Variants in VAT1L observed in about 807,000 individuals in gnomAD.
The protein encoded by VAT1L is vesicle amine transport 1 like, also known as putative NADPH-dependent quinone oxidoreductase VAT1L.
Under a neutral mutation model 44.1 loss-of-function variants are expected in VAT1L, and 34 were observed. The ratio of observed to expected loss-of-function variants is 0.77; its 90% CI spans 0.59 to 1.03. The LOEUF (loss-of-function observed/expected upper bound fraction) is 1.03, where lower values mean the gene tolerates loss of function less well. Ranked by LOEUF, VAT1L falls within the 50% of genes least tolerant of loss-of-function variation. The probability of loss-of-function intolerance (pLI) is 0.00; values close to 1 mark genes in which losing one functional copy is unlikely to be tolerated. For missense variants in VAT1L, 615 were observed against 538.8 expected (o/e 1.14, Z -1.40); for synonymous variants, 253 against 202.2 (o/e 1.25, Z -2.13).
At chr16:77,903,928 G>C (rs541539154) in intron 7 of VAT1L, among the ~76,000 whole-genome samples, 1 of 151,888 alleles carries the variant, frequency 6.6e-6, no homozygotes, top group African/African-American at 2.4e-5. Flanking sequence ...AGTAAAGACA[G>C]GGTTTCACCA....
At chr16:77,871,927 T>G (rs183672075) in intron 4 of VAT1L, among the ~76,000 whole-genome samples, 1 of 152,228 alleles carries the variant, frequency 6.6e-6, no homozygotes, top group East Asian at 1.9e-4. Flanking sequence ...TTTCATGCCC[T>G]TTTCCCAACC....
At chr16:77,925,811 G>C (rs2017660304) in intron 7 of VAT1L, among the ~76,000 whole-genome samples, 1 of 151,596 alleles carries the variant, frequency 6.6e-6, no homozygotes, top group Non-Finnish European at 1.5e-5. Context: ...AACATAAAAA[G>C]CCAGAAGCAG....
chr16:77,881,410 A>T (rs371621029), intron 6 of VAT1L, among the ~76,000 whole-genome samples: 2 of 152,362 alleles, frequency 1.3e-5, no homozygotes, highest in East Asian at 3.9e-4. Flanking sequence ...ATGTTAATTA[A>T]CATGATTATA....
intron 7 of VAT1L, among the ~76,000 whole-genome samples, chr16:77,920,495 G>A (rs1364957110): frequency 6.6e-6 from 1 of 152,050 alleles, no homozygotes; most frequent in African/African-American, 2.4e-5. Flanking sequence ...AACACCCCCT[G>A]AATTATACTT....
At chr16:77,866,460 G>C (rs866467201) in intron 4 of VAT1L, among the ~76,000 whole-genome samples, 4 of 152,090 alleles carry the variant, frequency 2.6e-5, no homozygotes, top group Non-Finnish European at 5.9e-5. Flanking sequence ...TGTGATCACA[G>C]CTTTGTACAA....
At chr16:77,936,027 C>G (rs898035858) in intron 7 of VAT1L, among the ~76,000 whole-genome samples, 1 of 151,982 alleles carries the variant, frequency 6.6e-6, no homozygotes, top group Non-Finnish European at 1.5e-5. Context: ...TTTTGAGAAT[C>G]AGTGATACAT....
intron 3 of VAT1L, among the ~76,000 whole-genome samples, chr16:77,856,484 A>AGGCAG (rs1241079412): frequency 1.3e-5 from 2 of 152,176 alleles, no homozygotes; most frequent in Non-Finnish European, 2.9e-5. Context: ...AGTACTTAAT[A>AGGCAG]TGTACCAGGC....
intron 7 of VAT1L, among the ~76,000 whole-genome samples, chr16:77,961,257 G>C (rs909961725): frequency 6.6e-6 from 1 of 151,962 alleles, no homozygotes; most frequent in Non-Finnish European, 1.5e-5. Context: ...GTCACCAAGG[G>C]GGCTTCTCCT....
chr16:77,826,067 C>G (rs1259888854), intron 3 of VAT1L, among the ~76,000 whole-genome samples: 3 of 137,266 alleles, frequency 2.2e-5, no homozygotes, highest in East Asian at 2.2e-4. Context: ...ATTAGCCGGG[C>G]GTAGTGGCGG....
intron 7 of VAT1L, among the ~76,000 whole-genome samples, chr16:77,926,540 C>T (rs2017671291): frequency 1.3e-5 from 2 of 152,010 alleles, no homozygotes; most frequent in South Asian, 4.2e-4. Flanking sequence ...GCTGAGACTG[C>T]ACCATGCACT....
chr16:77,863,871 G>A (rs1000037090), intron 4 of VAT1L, among the ~76,000 whole-genome samples: 1 of 152,182 alleles, frequency 6.6e-6, no homozygotes, highest in Non-Finnish European at 1.5e-5. Context: ...ACTCCAACCT[G>A]GGTGTGACCA....
intron 3 of VAT1L, among the ~76,000 whole-genome samples, chr16:77,831,585 A>G (rs2016578919): frequency 2.6e-5 from 4 of 152,206 alleles, no homozygotes; most frequent in Admixed American, 6.5e-5. Flanking sequence ...AGTCTATAAA[A>G]TACCTGACCG....
At chr16:77,814,846 T>A (rs752291070) in intron 1 of VAT1L, among the ~76,000 whole-genome samples, 11 of 152,258 alleles carry the variant, frequency 7.2e-5, no homozygotes, top group Non-Finnish European at 7.3e-5. Context: ...TAACCCTTTT[T>A]TTACGAGTGC....
intron 3 of VAT1L, among the ~76,000 whole-genome samples, chr16:77,859,924 C>G (rs994053577): frequency 1.1e-4 from 16 of 152,138 alleles, no homozygotes; most frequent in Admixed American, 1.0e-3. Context: ...CTCACAACGT[C>G]ACTTTATTTG....
intron 8 of VAT1L, among the ~76,000 whole-genome samples, chr16:77,976,036 G>A (rs918611213): frequency 6.6e-5 from 10 of 152,198 alleles, no homozygotes; most frequent in African/African-American, 2.2e-4. Flanking sequence ...ATGTCTGCGA[G>A]CCAATTGGCA....
At chr16:77,854,319 CAAAGAA>C (rs1445287835) in intron 3 of VAT1L, among the ~76,000 whole-genome samples, 2 of 151,956 alleles carry the variant, frequency 1.3e-5, no homozygotes, top group Non-Finnish European at 2.9e-5. Flanking sequence ...CAGTGACAAA[CAAAGAA>C]AAAGAAAAAC....
At chr16:77,801,165 CA>C (rs2016043173) in intron 1 of VAT1L, 1 of 150,842 alleles carries the variant, frequency 6.6e-6, no homozygotes, top group South Asian at 2.1e-4. Flanking sequence ...CCAAGTTCCA[CA>C]AGCTCTATGC....
At chr16:77,889,666 G>C (rs931633320) in intron 7 of VAT1L, among the ~76,000 whole-genome samples, 4 of 152,306 alleles carry the variant, frequency 2.6e-5, no homozygotes, top group Admixed American at 1.3e-4. Context: ...TCCTGCCCTT[G>C]AGTTTATAAT....
At chr16:77,842,683 C>T (rs1322323183) in intron 3 of VAT1L, among the ~76,000 whole-genome samples, 9 of 152,036 alleles carry the variant, frequency 5.9e-5, no homozygotes, top group African/African-American at 1.2e-4. Flanking sequence ...ATCACGAGGG[C>T]CCTGGTTCTT....
Sources: gnomAD v4.1 joint callset for allele counts (sites outside exome capture counted in the v4.1 genomes callset) on GRCh38, gnomAD v4.1.1 for gene constraint, MANE v1.5 for transcripts, NCBI Gene and HGNC (gene_info 2026-07-23, HGNC 2026-07-21) for gene names.